The following LMAN1L variants were observed in gnomAD, a reference collection of about 807,000 sequenced individuals.
The protein encoded by LMAN1L is protein ERGIC-53-like.
In LMAN1L, 60 loss-of-function variants were observed where a neutral mutation model predicts 58.3. The observed-to-expected ratio is 1.03, with a 90% CI of 0.84 to 1.27. The LOEUF (loss-of-function observed/expected upper bound fraction) is 1.27, where lower values mean the gene tolerates loss of function less well. Ranked by LOEUF, LMAN1L falls within the 50% of genes most tolerant of loss-of-function variation. The pLI, the probability that LMAN1L is intolerant of heterozygous loss-of-function variation, is 0.00. For synonymous variants in LMAN1L, 280 were observed against 271.6 expected, an observed-to-expected ratio of 1.03 and a Z score of -0.31; for missense variants, 629 against 674.0, an observed-to-expected ratio of 0.93 and a Z score of 0.74.
chr15:74,820,772 G>C lies in LMAN1L; in HGVS notation c.907+5G>C, dbSNP rs1364524518. ...ACTCTGAAGCTCAAGGAGAAGGTAGGGACCGAGAGAGCGGGCAGGTGGCGC... is the reference window on the plus strand; with the variant it reads ...ACTCTGAAGCTCAAGGAGAAGGTAGCGACCGAGAGAGCGGGCAGGTGGCGC... On this transcript the variant is annotated splice_donor_5th_base_variant and intron_variant, in intron 8 of 13. Transcript: ENST00000309664. 1 of 1,608,328 alleles carries C rather than the reference G, an allele frequency of 6.2e-7. No individual in the cohort carries two copies. The highest frequency in any genetic ancestry group is 8.5e-7 in the Non-Finnish European group (1 of 1,176,976).
intron 4 of LMAN1L, among the ~76,000 whole-genome samples, 169 bp downstream of exon 4, chr15:74,816,859 G>T (rs1387908758): frequency 6.6e-6 from 1 of 152,188 alleles, no homozygotes; most frequent in African/African-American, 2.4e-5. Context: ...CCTGGGGCTT[G>T]ATTCCTTCGA....
At position 74,822,642 on chromosome 15, in the gene LMAN1L, G is replaced by A. The variant is rs2063922227; in HGVS notation, c.1132G>A (p.Asp378Asn). ...GGHLSMSLNK[D>N]SAKVGALLHG... ...TAGACAAGAGGCTGCCCCTCTGCAGGACTCTGCCAAGGTCGGTGCCCTGCT... is the reference window on the plus strand; with the variant it reads ...TAGACAAGAGGCTGCCCCTCTGCAGAACTCTGCCAAGGTCGGTGCCCTGCT... The change falls in exon 11 of 14, where the codon GAC (aspartate) becomes AAC (asparagine). Residue 378 changes from aspartate (D) to asparagine (N), a missense_variant and splice_region_variant. Around this residue, in one of 3 missense-constraint regions of LMAN1L, gnomAD observed 573 missense variants for 597.3 expected, o/e 0.96. Transcript: ENST00000309664. The A allele has an allele frequency of 4.3e-6, 7 of 1,613,802 alleles. No individual in the cohort carries two copies. In the East Asian group the frequency reaches 1.3e-4, roughly 31 times the overall value.
At chr15:74,813,980 G>C (rs771095644) in intron 1 of LMAN1L, among the ~76,000 whole-genome samples, 3 of 152,012 alleles carry the variant, frequency 2.0e-5, no homozygotes, top group Admixed American at 6.6e-5. Flanking sequence ...ACAAAAATTA[G>C]CTGGGTGTGG....
At chr15:74,820,503 A>C in intron 7 of LMAN1L, 132 bp from the exon 8 acceptor site, 1 of 1,188,288 alleles carries the variant, frequency 8.4e-7, no homozygotes, top group Middle Eastern at 2.8e-4. Context: ...GGCAGAACTC[A>C]GAGGGCTGGA....
chr15:74,824,742 T>A, intron 13 of LMAN1L: 1 of 390,864 alleles, frequency 2.6e-6, no homozygotes, highest in Non-Finnish European at 4.6e-6. Context: ...AATGCCATGA[T>A]GTCAGGAAGC....
In LMAN1L at chr15:74,821,225, G is replaced by A. The variant is rs2063915294; in HGVS notation, c.1058G>A (p.Trp353Ter). The change falls in exon 9 of 14, where the codon TGG (tryptophan) becomes TAG (stop). Residue 353 changes from tryptophan (W) to a stop codon, truncating the protein, a stop_gained and splice_region_variant. Transcript: ENST00000309664. LOFTEE classifies it high-confidence loss of function. The part of the protein sequence containing the change: ...PPGQARPDGG[W>*]ALDASCQIPS... ...GGCCAAGCCAGGCCTGACGGAGGCT[G>A]GGTGAGAAGCCCTACAGGCATCCAA... The A allele has an allele frequency of 1.9e-6, 3 of 1,548,922 alleles. No individual in the cohort carries two copies. The highest frequency in any genetic ancestry group is 1.4e-5 in the African/African-American group (1 of 73,016).
intron 8 of LMAN1L, 26 bp from the exon 9 acceptor site, chr15:74,821,049 C>A: frequency 1.3e-6 from 2 of 1,545,774 alleles, no homozygotes; most frequent in East Asian, 2.3e-5. Context: ...GCTGGCTGCC[C>A]ATCCCAGCTC....
intron 4 of LMAN1L, 131 bp downstream of exon 4, chr15:74,816,821 A>C: frequency 1.2e-6 from 1 of 845,844 alleles, no homozygotes; most frequent in East Asian, 2.8e-5. Flanking sequence ...TACTTGCTGG[A>C]CTCTCTCACT....
At chr15:74,824,195 C>T (rs2063930502) in intron 12 of LMAN1L, 156 bp from the exon 13 acceptor site, 2 of 706,888 alleles carry the variant, frequency 2.8e-6, no homozygotes, top group Admixed American at 2.3e-5. Context: ...GGGGAGGCAG[C>T]TTTGTACACT....
intron 13 of LMAN1L, chr15:74,825,270 A>G: frequency 3.8e-6 from 2 of 526,554 alleles, no homozygotes; most frequent in Non-Finnish European, 6.9e-6. Flanking sequence ...AGTGGTGGCA[A>G]TCAGCCTGGA....
rs199961885 is a variant in LMAN1L, at chr15:74,821,217, C to T, written c.1050C>T (p.Asp350=). Residue 350 remains aspartate (D), a synonymous_variant, in exon 9 of 14, where the codon GAC becomes GAT. Transcript: ENST00000309664. ...QLGPPGQARP[D]GGWALDASCQ... Reference sequence around the variant, plus strand: ...GGCCCCCAGGCCAAGCCAGGCCTGACGGAGGCTGGGTGAGAAGCCCTACAG... The same window carrying T: ...GGCCCCCAGGCCAAGCCAGGCCTGATGGAGGCTGGGTGAGAAGCCCTACAG... 2.4e-4 allele frequency: 366 copies of T among 1,549,300 alleles called. 1 individual carries two copies. The highest frequency in any genetic ancestry group is 5.2e-4 in the South Asian group (44 of 83,978).
rs1019929221 is a variant in LMAN1L at position 74,816,199 on chromosome 15, T to C, written c.218T>C (p.Met73Thr). ...GAGGAAGTGCGGCTGACGCCATCCA[T>C]GAGGAACCGGAGTGGCGCCGTGTGG... The part of the protein sequence containing the change: ...GLEEVRLTPS[M>T]RNRSGAVWSR... Residue 73 changes from methionine to threonine, a missense_variant, in exon 2 of 14, where the codon ATG becomes ACG. Met to Thr is a moderately conservative substitution (Grantham distance 81, BLOSUM62 -1). This residue lies in a region of LMAN1L where 573 missense variants were observed against 597.3 expected (regional missense o/e 0.96). Coordinates refer to ENST00000309664, the MANE Select transcript of LMAN1L (RefSeq NM_021819.3). The C allele has an allele frequency of 1.3e-6, 2 of 1,563,244 alleles. No homozygotes were observed. The highest frequency in any genetic ancestry group is 4.8e-5 in the East Asian group (2 of 41,804).
chr15:74,824,323 G>C, intron 12 of LMAN1L, 28 bp from the exon 13 acceptor site: 1 of 1,611,160 alleles, frequency 6.2e-7, no homozygotes, highest in South Asian at 1.1e-5. Flanking sequence ...AAGAAGCTAA[G>C]CTAGGACCTT....
chr15:74,824,162 A>T, intron 12 of LMAN1L, 189 bp from the exon 13 acceptor site: 1 of 643,796 alleles, frequency 1.6e-6, no homozygotes, highest in East Asian at 2.5e-5. Context: ...GTTCCCACAG[A>T]TGCAGCCATG....
intron 8 of LMAN1L, 58 bp downstream of exon 8, chr15:74,820,825 C>A: frequency 6.4e-7 from 1 of 1,564,950 alleles, no homozygotes; most frequent in Non-Finnish European, 8.6e-7. Flanking sequence ...CATCCTCCAC[C>A]CTTATGACCA....
At position 74,821,822 on chromosome 15, in the gene LMAN1L, T is replaced by C; in HGVS notation, c.1060-7T>C. 6.2e-7 allele frequency: 1 copy of C among 1,607,000 alleles called. No homozygotes were observed. The highest frequency in any genetic ancestry group is 8.5e-7 in the Non-Finnish European group (1 of 1,174,248). On this transcript the variant is annotated splice_polypyrimidine_tract_variant and splice_region_variant and intron_variant, in intron 9 of 13. Coordinates refer to ENST00000309664, the MANE Select transcript of LMAN1L (RefSeq NM_021819.3). ...CCAGGGCCAAGCCTCTCTGATCCTA[T>C]CCCCAGGCCCTGGATGCTTCCTGCC...
rs1292220290 is a variant in LMAN1L at position 74,819,735 on chromosome 15, G to A, written c.719-309G>A. 8 of 517,852 alleles carry A rather than the reference G, an allele frequency of 1.5e-5. No homozygotes were observed. The East Asian group carries it at 2.0e-4, about 13-fold the overall frequency. The allele number at this position is 517,852 out of a possible 1,614,324, so 32.1% of individuals were successfully genotyped here. ...TGTGCAGTTGCTACTACCAGTAGCAGCTGTGCTCTGGGGGCCTAAGAGTGT... is the reference window on the plus strand; with the variant it reads ...TGTGCAGTTGCTACTACCAGTAGCAACTGTGCTCTGGGGGCCTAAGAGTGT... On this transcript the variant is annotated intron_variant, in intron 6 of 13. Transcript: ENST00000309664.
chr15:74,824,147 C>A (rs1361852108), intron 12 of LMAN1L: 4 of 633,286 alleles, frequency 6.3e-6, no homozygotes, highest in Non-Finnish European at 1.1e-5. Flanking sequence ...CAGGCCTTCC[C>A]AGCTGTTCCC....
chr15:74,825,724 C>A lies in LMAN1L; in HGVS notation c.*119C>A. 1.0e-6 allele frequency: 1 copy of A among 971,134 alleles called. No individual in the cohort carries two copies. The allele number at this position is 971,134 out of a possible 1,614,324, so 60.2% of individuals were successfully genotyped here. A position where few individuals can be genotyped will look rare whatever the true frequency, so the allele number is the denominator to read the frequency against. On this transcript the variant is annotated 3_prime_UTR_variant, in exon 14 of 14. Transcript: ENST00000309664. The stretch of plus-strand genomic sequence containing the variant: ...CACGCACACCTGAGCTTTCGGCATG[C>A]TCCCACCTCGTTAAAGGTGATTTCC...
Sources: allele counts gnomAD v4.1 joint callset (sites outside exome capture counted in the v4.1 genomes callset), GRCh38; gene constraint gnomAD v4.1.1; regional missense constraint gnomAD v4.1.1; transcripts MANE v1.5; gene names NCBI Gene and HGNC (gene_info 2026-07-23, HGNC 2026-07-21).